Variants in TAB3 observed in about 807,000 individuals in gnomAD.
TAB3 encodes the protein TGF-beta activated kinase 1 (MAP3K7) binding protein 3.
TAB3 carries 18 observed loss-of-function variants against 48.1 expected under a neutral mutation model. That is an observed-to-expected ratio of 0.37 (90% CI 0.26 to 0.55). The LOEUF (loss-of-function observed/expected upper bound fraction) is 0.55, where lower values mean the gene tolerates loss of function less well. TAB3 is among the 20% of genes least tolerant of loss of function. TAB3 has a pLI of 0.78. For synonymous variants in TAB3, 185 were observed against 190.2 expected (o/e 0.97, Z 0.22); for missense variants, 414 against 549.8 (o/e 0.75, Z 2.47).
At chrX:30,873,504 G>A (rs1392311473) in intron 1 of TAB3, among the ~76,000 whole-genome samples, 3 of 98,435 alleles carry the variant, frequency 3.0e-5, no homozygotes, top group Admixed American at 1.1e-4. Flanking sequence ...CCGCCTGGGC[G>A]ACAGAACGAG....
At chrX:30,888,962 T>C (rs1337931306) in intron 1 of TAB3, among the ~76,000 whole-genome samples, 152 bp downstream of exon 1, 1 of 112,272 alleles carries the variant, frequency 8.9e-6, no homozygotes, top group African/African-American at 3.3e-5. Flanking sequence ...CAGTTCCCGC[T>C]GTCAGCCGCA....
At chrX:30,837,326 T>G (rs1938269416) in intron 9 of TAB3, among the ~76,000 whole-genome samples, 1 of 110,874 alleles carries the variant, frequency 9.0e-6, no homozygotes, top group Non-Finnish European at 1.9e-5. Flanking sequence ...GTGCTGAGAT[T>G]ATAAGCATGA....
Position 30,855,473 on chromosome X carries a change from A to T in TAB3, c.192T>A (p.Asn64Lys), listed in dbSNP as rs371296444. The change falls in exon 6 of 11, where the codon AAT becomes AAA. Residue 64 changes from asparagine (N) to lysine (K), a missense_variant. Coordinates refer to ENST00000288422, the MANE Select transcript of TAB3 (RefSeq NM_152787.5). ...LYMEYHSPDD[N>K]RMNRNRLLHI... Reference sequence around the variant, plus strand: ...GTAAAAGGCGATTTCTATTCATCCTATTGTCATCTGGACTATGGTATTCCA... The same window carrying T: ...GTAAAAGGCGATTTCTATTCATCCTTTTGTCATCTGGACTATGGTATTCCA... The T allele has an allele frequency of 8.3e-7, 1 of 1,209,323 alleles. No individual in the cohort carries two copies. Among genetic ancestry groups the T allele is most frequent in the African/African-American group, 1.8e-5 (1 of 57,130 alleles).
chrX:30,840,642 A>G (rs1036389360), intron 9 of TAB3, among the ~76,000 whole-genome samples: 1 of 110,879 alleles, frequency 9.0e-6, no homozygotes, highest in African/African-American at 3.3e-5. Flanking sequence ...ATTATAAGGG[A>G]GAGTTTTCCT....
Position 30,842,521 on chromosome X carries a change from A to G in TAB3, c.1888+445T>C, listed in dbSNP as rs532803607. 3.6e-5 allele frequency among the ~76,000 whole-genome samples: 4 copies of G among 112,178 alleles called. No homozygotes were observed. In the South Asian group the frequency reaches 1.1e-3, roughly 31 times the overall value. On this transcript the variant is annotated intron_variant, in intron 9 of 10. Transcript: ENST00000288422. ...AGTCCATCAAATTACCTCTGACAGTAATTCTAAGAGTTACTAATTTCAGTA... is the reference window on the plus strand; with the variant it reads ...AGTCCATCAAATTACCTCTGACAGTGATTCTAAGAGTTACTAATTTCAGTA...
intron 4 of TAB3, among the ~76,000 whole-genome samples, chrX:30,865,175 C>G (rs1410728919): frequency 8.9e-6 from 1 of 111,973 alleles, no homozygotes; most frequent in East Asian, 2.8e-4. Flanking sequence ...AAGACTATCC[C>G]AGGCAATGAA....
intron 4 of TAB3, among the ~76,000 whole-genome samples, chrX:30,863,063 C>T (rs774858866): frequency 2.7e-5 from 3 of 112,525 alleles, no homozygotes; most frequent in Non-Finnish European, 5.6e-5. Context: ...CAACAGCTTA[C>T]AAAAATGGCT....
intron 9 of TAB3, among the ~76,000 whole-genome samples, chrX:30,839,363 T>C (rs1271760707): frequency 1.8e-5 from 2 of 112,153 alleles, no homozygotes; most frequent in Non-Finnish European, 3.8e-5. Context: ...GGTCATAATG[T>C]ATTATCTTTT....
At position 30,855,520 on chromosome X, in the gene TAB3, C is replaced by T. The variant is rs754992859; in HGVS notation, c.145G>A (p.Glu49Lys). Reference sequence around the variant, plus strand: ...TCCATATATAAGTATTTGCTACTCTCCTGGGAAAGGGCTCGGCAACAGGCT... The same window carrying T: ...TCCATATATAAGTATTTGCTACTCTTCTGGGAAAGGGCTCGGCAACAGGCT... The part of the protein sequence containing the change: ...LEACCRALSQ[E>K]SSKYLYMEYH... The change falls in exon 6 of 11, where the codon GAG becomes AAG. Residue 49 changes from glutamate (E) to lysine (K), a missense_variant. Coordinates refer to ENST00000288422, the MANE Select transcript of TAB3 (RefSeq NM_152787.5). 8.3e-7 allele frequency: 1 copy of T among 1,203,350 alleles called. No homozygotes were observed. Among genetic ancestry groups the T allele is most frequent in the Non-Finnish European group, 1.1e-6 (1 of 890,938 alleles).
intron 1 of TAB3, among the ~76,000 whole-genome samples, chrX:30,881,056 G>A (rs1175698895): frequency 9.0e-6 from 1 of 111,678 alleles, no homozygotes; most frequent in African/African-American, 3.2e-5. Flanking sequence ...ATACAGTAAT[G>A]AGAATGAACA....
At chrX:30,835,604 A>G (rs1938177448) in intron 9 of TAB3, 1 of 111,641 alleles carries the variant, frequency 9.0e-6, no homozygotes, top group African/African-American at 3.3e-5. Context: ...AAGCCCACTG[A>G]AGAGCACACA....
intron 1 of TAB3, among the ~76,000 whole-genome samples, chrX:30,884,081 T>C (rs1940065738): frequency 9.0e-6 from 1 of 111,703 alleles, no homozygotes; most frequent in Non-Finnish European, 1.9e-5. Context: ...TTTCCTGCAC[T>C]ATGGCCAATT....
intron 8 of TAB3, chrX:30,843,434 G>T (rs1017022291): frequency 8.8e-6 from 1 of 113,595 alleles, no homozygotes; most frequent in South Asian, 3.7e-4. Context: ...CTGTGAGAAA[G>T]AACACTTAAA....
At chrX:30,868,312 T>TATATATATA (rs1410557148) in intron 2 of TAB3, among the ~76,000 whole-genome samples, 201 of 2,412 alleles carry the variant, frequency 0.083, 54 homozygotes, top group African/African-American at 0.21. Flanking sequence ...TATATATATA[T>TATATATATA]AGCTTATATA....
intron 1 of TAB3, among the ~76,000 whole-genome samples, chrX:30,876,448 A>G (rs1428918101): frequency 1.8e-5 from 2 of 112,315 alleles, no homozygotes; most frequent in African/African-American, 6.5e-5. Flanking sequence ...GTTCAAGGAG[A>G]TGAAAGCCAA....
chrX:30,839,253 C>G (rs1029657265), intron 9 of TAB3, among the ~76,000 whole-genome samples: 1 of 111,952 alleles, frequency 8.9e-6, no homozygotes, highest in African/African-American at 3.2e-5. Context: ...TCTGGTGAAA[C>G]GATCACATGC....
chrX:30,845,494 C>G (rs1482148993), intron 8 of TAB3: 1 of 112,033 alleles, frequency 8.9e-6, no homozygotes, highest in Admixed American at 9.5e-5. Context: ...GATAGAGTCT[C>G]TGTTGCAAGT....
chrX:30,868,728 C>T (rs1275458387), intron 2 of TAB3, among the ~76,000 whole-genome samples: 1 of 100,782 alleles, frequency 9.9e-6, no homozygotes, highest in African/African-American at 3.6e-5. Flanking sequence ...CTCAGTAAAC[C>T]TAGTAATTCA....
intron 4 of TAB3, among the ~76,000 whole-genome samples, chrX:30,865,455 C>G (rs2147379201): frequency 8.9e-6 from 1 of 112,310 alleles, no homozygotes; most frequent in Admixed American, 9.4e-5. Flanking sequence ...ATAAAGCTTT[C>G]AAACTTTCAT....
Sources: gnomAD v4.1 joint callset for allele counts (sites outside exome capture counted in the v4.1 genomes callset) on GRCh38, gnomAD v4.1.1 for gene constraint, MANE v1.5 for transcripts, NCBI Gene and HGNC (gene_info 2026-07-23, HGNC 2026-07-21) for gene names.